NEBL: variants seen among roughly 807,000 people sequenced by gnomAD.
NEBL encodes the protein nebulette, also known as LIM and SH3 protein 2.
NEBL carries 122 observed loss-of-function variants against 140.2 expected under a neutral mutation model. The observed-to-expected ratio is 0.87, with a 90% CI of 0.75 to 1.01. The LOEUF (loss-of-function observed/expected upper bound fraction) is 1.01, where lower values mean the gene tolerates loss of function less well. Ranked by LOEUF, NEBL falls within the 50% of genes least tolerant of loss-of-function variation. The pLI is 0.00. For missense variants in NEBL, 1,365 were observed against 1,231.3 expected (o/e 1.11, Z -1.62); for synonymous variants, 436 against 398.9 (o/e 1.09, Z -1.11).
intron 24 of NEBL, 52 bp from the exon 25 acceptor site, chr10:20,809,950 G>GAAAAAAAAAAAAAAAAAAAAAAAAAAAAA (rs200571909): frequency 1.7e-6 from 1 of 596,616 alleles, no homozygotes. Flanking sequence ...TTTAAAAAAG[G>GAAAAAAAAAAAAAAAAAAAAAAAAAAAAA]AAAAAAAAAA....
chr10:21,238,454 C>T (rs540250450), intron 3 of NEBL, among the ~76,000 whole-genome samples: 1 of 151,874 alleles, frequency 6.6e-6, no homozygotes, highest in African/African-American at 2.4e-5. Context: ...AATCCCAGCA[C>T]TTTGGGAGGC....
At chr10:21,082,834 C>G (rs963139650) in intron 2 of NEBL, among the ~76,000 whole-genome samples, 4 of 138,166 alleles carry the variant, frequency 2.9e-5, no homozygotes, top group African/African-American at 1.1e-4. Flanking sequence ...ATATTCTCGG[C>G]TCACTGCAAC....
chr10:21,264,261 T>C (rs1196555354), intron 1 of NEBL, among the ~76,000 whole-genome samples: 1 of 151,892 alleles, frequency 6.6e-6, no homozygotes, highest in Non-Finnish European at 1.5e-5. Flanking sequence ...GGCACAGCAC[T>C]GATATATAAA....
intron 3 of NEBL, among the ~76,000 whole-genome samples, chr10:21,186,257 A>ACACACACAC (rs955598418): frequency 8.0e-6 from 1 of 124,736 alleles, no homozygotes; most frequent in African/African-American, 2.8e-5. Flanking sequence ...TATATATACA[A>ACACACACAC]ACACACACAC....
intron 2 of NEBL, among the ~76,000 whole-genome samples, chr10:21,041,682 A>G (rs1005302774): frequency 1.3e-5 from 2 of 152,166 alleles, no homozygotes; most frequent in African/African-American, 4.8e-5. Flanking sequence ...TTAAGAAAAT[A>G]AAAATAAAAA....
chr10:21,203,991 T>A (rs1405688073), intron 3 of NEBL, among the ~76,000 whole-genome samples: 1 of 152,214 alleles, frequency 6.6e-6, no homozygotes, highest in African/African-American at 2.4e-5. Context: ...AATAAGCCTA[T>A]CTACCCAGTC....
intron 4 of NEBL, among the ~76,000 whole-genome samples, chr10:20,936,852 G>A (rs910180845): frequency 6.6e-6 from 1 of 152,120 alleles, no homozygotes; most frequent in African/African-American, 2.4e-5. Context: ...AGCTTGGGTC[G>A]ATTCCTTTTC....
chr10:20,811,009 G>T (rs1838085230), intron 24 of NEBL, among the ~76,000 whole-genome samples: 1 of 152,098 alleles, frequency 6.6e-6, no homozygotes, highest in Non-Finnish European at 1.5e-5. Flanking sequence ...AAAAATAGAA[G>T]CAGCACAAAT....
intron 3 of NEBL, among the ~76,000 whole-genome samples, chr10:20,889,282 C>G (rs1401297329): frequency 6.6e-6 from 1 of 152,148 alleles, no homozygotes; most frequent in African/African-American, 2.4e-5. Flanking sequence ...TCTAAATGCT[C>G]TCAGAAAGAA....
At chr10:21,168,977 A>T (rs1041905856) in intron 2 of NEBL, among the ~76,000 whole-genome samples, 1 of 146,394 alleles carries the variant, frequency 6.8e-6, no homozygotes, top group African/African-American at 2.5e-5. Flanking sequence ...TGAACCCAGG[A>T]GGCAGAGCTT....
chr10:21,253,635 C>T (rs559174325), intron 1 of NEBL, among the ~76,000 whole-genome samples: 66 of 150,412 alleles, frequency 4.4e-4, no homozygotes, highest in Non-Finnish European at 7.5e-4. Flanking sequence ...CTTCTGCCTC[C>T]TGGGTTCAAG....
chr10:20,794,536 C>T (rs1055947577), intron 26 of NEBL, among the ~76,000 whole-genome samples: 2 of 152,060 alleles, frequency 1.3e-5, no homozygotes, highest in Non-Finnish European at 2.9e-5. Context: ...TAAATGTATC[C>T]TTTTAATCGT....
chr10:21,251,718 G>T (rs185630144), intron 2 of NEBL, among the ~76,000 whole-genome samples: 1 of 152,164 alleles, frequency 6.6e-6, no homozygotes, highest in East Asian at 1.9e-4. Flanking sequence ...AAAGGCCCCA[G>T]AGAAACCCCT....
At chr10:21,247,166 T>G (rs1420874653) in intron 3 of NEBL, among the ~76,000 whole-genome samples, 1 of 152,192 alleles carries the variant, frequency 6.6e-6, no homozygotes, top group Non-Finnish European at 1.5e-5. Context: ...GTGTAGCCTG[T>G]GGAACTGTAA....
intron 17 of NEBL, among the ~76,000 whole-genome samples, chr10:20,827,752 A>G (rs1469362730): frequency 6.6e-6 from 1 of 152,220 alleles, no homozygotes; most frequent in Non-Finnish European, 1.5e-5. Flanking sequence ...ATAAAAAAGA[A>G]TGAGATCATG....
rs181652762 is a variant in NEBL at position 21,278,968 on chromosome 10, T to C, written n.182+13862A>G. Among the ~76,000 whole-genome samples the C allele has an allele frequency of 3.1e-3, 467 of 152,266 alleles. 14 individuals are homozygous for C. Among genetic ancestry groups the C allele is most frequent in the Admixed American group, 0.029 (449 of 15,282 alleles). Reference sequence around the variant, plus strand: ...CTGAGGCCCTGCACCTCCAGAATCTTAGCAATTAGATAGTTCATAGCCCCA... The same window carrying C: ...CTGAGGCCCTGCACCTCCAGAATCTCAGCAATTAGATAGTTCATAGCCCCA... On this transcript the variant is annotated intron_variant and non_coding_transcript_variant, in intron 1 of 8. Transcript: ENST00000675702.
chr10:20,799,352 C>T (rs932390867), intron 26 of NEBL, among the ~76,000 whole-genome samples: 5 of 152,088 alleles, frequency 3.3e-5, no homozygotes, highest in Admixed American at 3.3e-4. Flanking sequence ...TACCAGGTCT[C>T]ACCATGTTGG....
chr10:21,007,935 T>G (rs1031841863), intron 3 of NEBL, among the ~76,000 whole-genome samples: 1 of 152,214 alleles, frequency 6.6e-6, no homozygotes, highest in African/African-American at 2.4e-5. Flanking sequence ...ACACAGAGAC[T>G]GCAAAGCTAA....
chr10:21,150,649 G>C (rs535333791), intron 2 of NEBL, among the ~76,000 whole-genome samples: 1 of 152,274 alleles, frequency 6.6e-6, no homozygotes, highest in Admixed American at 6.5e-5. Context: ...TATTTCAAAA[G>C]TTTAAAAGAC....
Sources: allele counts gnomAD v4.1 joint callset (sites outside exome capture counted in the v4.1 genomes callset), GRCh38; gene constraint gnomAD v4.1.1; transcripts MANE v1.5; gene names NCBI Gene and HGNC (gene_info 2026-07-23, HGNC 2026-07-21).